The following NFASC variants were observed in gnomAD, a reference collection of about 807,000 sequenced individuals.
The protein encoded by NFASC is neurofascin homolog.
NFASC carries 43 observed loss-of-function variants against 147.5 expected under a neutral mutation model. That is an observed-to-expected ratio of 0.29 (90% CI 0.23 to 0.38). The LOEUF is 0.38. NFASC is among the 10% of genes least tolerant of loss of function. The pLI is 1.00. For synonymous variants in NFASC, 622 were observed against 665.5 expected (o/e 0.93, Z 1.01); for missense variants, 1,320 against 1,689.0 (o/e 0.78, Z 3.83).
At chr1:204,881,793 C>T (rs1034688696) in intron 1 of NFASC, among the ~76,000 whole-genome samples, 4 of 152,176 alleles carry the variant, frequency 2.6e-5, no homozygotes, top group African/African-American at 9.7e-5. Context: ...CCTACCTCGG[C>T]ACTTCCTTAT....
chr1:204,947,021 G>A (rs1330819559), intron 3 of NFASC: 3 of 350,502 alleles, frequency 8.6e-6, no homozygotes, highest in Admixed American at 3.7e-5. Context: ...GAAGTACCAG[G>A]CAGTGATAGC....
chr1:204,993,988 C>T (rs1171910467), intron 24 of NFASC, among the ~76,000 whole-genome samples: 1 of 152,196 alleles, frequency 6.6e-6, no homozygotes, highest in East Asian at 1.9e-4. Context: ...TGCACCTTCC[C>T]TCGGAGGCTT....
At chr1:204,914,587 A>G (rs530088674) in intron 1 of NFASC, among the ~76,000 whole-genome samples, 2 of 152,344 alleles carry the variant, frequency 1.3e-5, no homozygotes, top group South Asian at 2.1e-4. Context: ...ATGGACTAAT[A>G]CAGTAAAACG....
chr1:204,968,721 G>A lies in NFASC; in HGVS notation c.819-77G>A. 1 of 1,372,334 alleles carries A rather than the reference G, an allele frequency of 7.3e-7. No homozygotes were observed. The highest frequency in any genetic ancestry group is 9.9e-7 in the Non-Finnish European group (1 of 1,007,700). 85.0% of individuals were successfully genotyped at this position (1,372,334 alleles called of 1,614,324 possible). A position where few individuals can be genotyped will look rare whatever the true frequency, so the allele number is the denominator to read the frequency against. The stretch of plus-strand genomic sequence containing the variant: ...GCCCAAGTATACTTTTAGGCCACCT[G>A]GGTGTCCCCAGCTGTATAGAAGAGG... On this transcript the variant is annotated intron_variant, in intron 9 of 29. Transcript: ENST00000339876. This position sits in a 1 kb window ranked among gnomAD's most constrained non-coding sequence, Gnocchi z 5.4.
intron 2 of NFASC, among the ~76,000 whole-genome samples, chr1:204,928,960 G>A (rs1394350755): frequency 6.6e-6 from 1 of 152,182 alleles, no homozygotes; most frequent in African/African-American, 2.4e-5. Context: ...AGAGGGAAAA[G>A]TCCCTTTCTT....
Position 205,016,092 on chromosome 1 carries a change from G to T in NFASC, c.3492-216G>T, listed in dbSNP as rs933801656. Among the ~76,000 whole-genome samples, 2 of 152,188 alleles carry T rather than the reference G, an allele frequency of 1.3e-5. No homozygotes were observed. Among genetic ancestry groups the T allele is most frequent in the Admixed American group, 1.3e-4 (2 of 15,284 alleles). ...AAGCATGGGCTCCACTCCCTGCCCT[G>T]CCCTGACCTGCAACCTCACCTTAGA... On this transcript the variant is annotated intron_variant, in intron 29 of 29. Transcript: ENST00000339876. This position sits in a 1 kb window ranked among gnomAD's most constrained non-coding sequence, Gnocchi z 5.1.
intron 27 of NFASC, among the ~76,000 whole-genome samples, chr1:205,004,595 C>T (rs1464819098): frequency 6.6e-6 from 1 of 152,248 alleles, no homozygotes; most frequent in Non-Finnish European, 1.5e-5. Context: ...GAAGTATTTT[C>T]ACTTTCTGAA....
chr1:204,950,475 G>A, intron 3 of NFASC, 82 bp from the exon 4 acceptor site: 2 of 1,290,618 alleles, frequency 1.5e-6, no homozygotes, highest in East Asian at 4.9e-5. Flanking sequence ...GTGTGCTGGG[G>A]CGTGAGGATG....
chr1:204,906,809 G>A (rs1056739549), intron 1 of NFASC, among the ~76,000 whole-genome samples: 4 of 151,202 alleles, frequency 2.6e-5, no homozygotes, highest in South Asian at 2.1e-4. Context: ...CAGCCTCCCC[G>A]AGTAGCTGGG....
intron 1 of NFASC, among the ~76,000 whole-genome samples, chr1:204,891,333 T>C (rs1558001011): frequency 6.6e-6 from 1 of 152,150 alleles, no homozygotes; most frequent in Non-Finnish European, 1.5e-5. Context: ...AGATGGACTG[T>C]TGCTAGGGAC....
rs1379976801 is a variant in NFASC, at chr1:205,017,304, C to T, written c.*765C>T. Reference sequence around the variant, plus strand: ...TCTTGCTCCTCATTCCTCCCCTGCCCTTTTCTCTGGAATATCTAAGATGTG... The same window carrying T: ...TCTTGCTCCTCATTCCTCCCCTGCCTTTTTCTCTGGAATATCTAAGATGTG... On this transcript the variant is annotated 3_prime_UTR_variant, in exon 30 of 30. Coordinates refer to ENST00000339876, the MANE Select transcript of NFASC (RefSeq NM_001005388.3). The T allele has an allele frequency of 6.4e-6, 1 of 155,640 alleles. No individual in the cohort carries two copies. The highest frequency in any genetic ancestry group is 2.4e-5 in the African/African-American group (1 of 41,456). 9.6% of individuals were successfully genotyped at this position (155,640 alleles called of 1,614,324 possible). A position where few individuals can be genotyped will look rare whatever the true frequency, so the allele number is the denominator to read the frequency against.
At chr1:204,877,439 G>T (rs890660464) in intron 1 of NFASC, among the ~76,000 whole-genome samples, 2 of 152,056 alleles carry the variant, frequency 1.3e-5, no homozygotes, top group East Asian at 3.9e-4. Context: ...GAACAGGCAG[G>T]CAGTTGGTTG....
chr1:204,923,174 C>T (rs893944398), intron 2 of NFASC, among the ~76,000 whole-genome samples: 15 of 152,182 alleles, frequency 9.9e-5, no homozygotes, highest in African/African-American at 3.6e-4. Flanking sequence ...GGAAACACTG[C>T]GTAGCTGTTT....
chr1:204,985,888 C>T (rs1270642618), intron 21 of NFASC: 3 of 1,581,988 alleles, frequency 1.9e-6, no homozygotes, highest in Non-Finnish European at 1.7e-6. Flanking sequence ...TGACCCCTCA[C>T]CAGCCTGCCT....
chr1:204,913,616 G>T (rs1290793510), intron 1 of NFASC, among the ~76,000 whole-genome samples: 2 of 152,148 alleles, frequency 1.3e-5, no homozygotes, highest in Non-Finnish European at 2.9e-5. Context: ...CTTATATACA[G>T]TTAGATCCCT....
In NFASC at chr1:204,975,392, T is replaced by C; in HGVS notation, c.1680T>C (p.Asp560=). ...AACTCACCGTCTCCTGGCTGAAGGA[T>C]GACGAGCCGCTCTATATTGGAAACA... ...SLKLTVSWLK[D]DEPLYIGNRM... Residue 560 remains aspartate, a synonymous_variant, in exon 15 of 30, where the codon GAT becomes GAC. Coordinates refer to ENST00000339876, the MANE Select transcript of NFASC (RefSeq NM_001005388.3). The surrounding 1 kb of genome is among the most constrained non-coding windows in gnomAD (Gnocchi z 4.0). 4 of 1,614,074 alleles carry C rather than the reference T, an allele frequency of 2.5e-6. No individual in the cohort carries two copies. Among genetic ancestry groups the C allele is most frequent in the Non-Finnish European group, 3.4e-6 (4 of 1,179,926 alleles).
chr1:204,935,599 G>A (rs1482978343), intron 2 of NFASC, among the ~76,000 whole-genome samples: 2 of 152,202 alleles, frequency 1.3e-5, no homozygotes, highest in African/African-American at 4.8e-5. Flanking sequence ...CAGAGCTTGT[G>A]TGTCAGGACT....
intron 1 of NFASC, among the ~76,000 whole-genome samples, chr1:204,907,783 G>T (rs1242285660): frequency 6.6e-6 from 1 of 152,210 alleles, no homozygotes; most frequent in Non-Finnish European, 1.5e-5. Flanking sequence ...AGCAAAAGAA[G>T]TTATCAAGGA....
chr1:204,844,786 A>G (rs1478175477), intron 1 of NFASC, among the ~76,000 whole-genome samples: 1 of 152,182 alleles, frequency 6.6e-6, no homozygotes, highest in Non-Finnish European at 1.5e-5. Context: ...GGTCAGAGCC[A>G]CACTCTCCTA....
Sources: allele counts gnomAD v4.1 joint callset (sites outside exome capture counted in the v4.1 genomes callset), GRCh38; gene constraint gnomAD v4.1.1; non-coding constraint Gnocchi (gnomAD v3.1); transcripts MANE v1.5; gene names NCBI Gene and HGNC (gene_info 2026-07-23, HGNC 2026-07-21).